SGCZ: variants seen among roughly 807,000 people sequenced by gnomAD.
The protein encoded by SGCZ is sarcoglycan zeta.
SGCZ carries 40 observed loss-of-function variants against 41.3 expected under a neutral mutation model. That is an observed-to-expected ratio of 0.97 (90% CI 0.75 to 1.26). The LOEUF is 1.26. SGCZ is among the 50% of genes most tolerant of loss of function. SGCZ has a pLI of 0.00. For synonymous variants in SGCZ, 206 were observed against 137.5 expected (o/e 1.50, Z -3.49); for missense variants, 552 against 369.8 (o/e 1.49, Z -4.04).
chr8:14,674,241 G>A (rs1023111241), intron 1 of SGCZ, among the ~76,000 whole-genome samples: 2 of 150,840 alleles, frequency 1.3e-5, no homozygotes, highest in African/African-American at 4.9e-5. Flanking sequence ...TCCTGATTTC[G>A]GTGTTTCCTA....
At chr8:14,939,415 A>G (rs61504408) in intron 1 of SGCZ, among the ~76,000 whole-genome samples, 30,272 of 152,000 alleles carry the variant, frequency 0.2, 4,079 homozygotes, top group African/African-American at 0.39. Flanking sequence ...TCCTAAATTA[A>G]TGCTTCCTAT....
At chr8:14,731,938 A>G (rs1285646347) in intron 1 of SGCZ, among the ~76,000 whole-genome samples, 1 of 152,168 alleles carries the variant, frequency 6.6e-6, no homozygotes, top group Non-Finnish European at 1.5e-5. Context: ...ATCTATCACA[A>G]GACTCTTCCA....
At chr8:14,799,358 T>G (rs1801239926) in intron 1 of SGCZ, among the ~76,000 whole-genome samples, 1 of 152,290 alleles carries the variant, frequency 6.6e-6, no homozygotes, top group South Asian at 2.1e-4. Flanking sequence ...AAATAAAGAT[T>G]CACTTTAAGA....
intron 5 of SGCZ, among the ~76,000 whole-genome samples, chr8:14,133,370 T>C (rs1455286303): frequency 1.3e-5 from 2 of 152,230 alleles, no homozygotes; most frequent in Non-Finnish European, 2.9e-5. Flanking sequence ...GCATTGTTTT[T>C]TGAGCAATTC....
chr8:14,545,667 T>A (rs1202877881), intron 2 of SGCZ, among the ~76,000 whole-genome samples: 1 of 152,166 alleles, frequency 6.6e-6, no homozygotes. Context: ...ATGGTTTTAA[T>A]TTTCTGGACT....
chr8:14,998,843 T>G lies in SGCZ; in HGVS notation c.39+238742A>C, dbSNP rs1055688788. On this transcript the variant is annotated intron_variant, in intron 1 of 7. Transcript: ENST00000382080. Reference sequence around the variant, plus strand: ...GAAAAGTACGCCAAAGAAAACCTATTATAAATGTCTCTATATCATCCTAGC... The same window carrying G: ...GAAAAGTACGCCAAAGAAAACCTATGATAAATGTCTCTATATCATCCTAGC... Among the ~76,000 whole-genome samples the G allele has an allele frequency of 2.0e-5, 3 of 152,324 alleles. No individual in the cohort carries two copies. The South Asian group carries it at 6.2e-4, about 32-fold the overall frequency.
chr8:14,518,983 C>A (rs543519737), intron 2 of SGCZ, among the ~76,000 whole-genome samples: 1 of 148,976 alleles, frequency 6.7e-6, no homozygotes, highest in African/African-American at 2.5e-5. Flanking sequence ...GCAGGAGAAT[C>A]GCTTGAACCC....
chr8:14,966,991 T>A (rs1205293796), intron 1 of SGCZ, among the ~76,000 whole-genome samples: 1 of 152,182 alleles, frequency 6.6e-6, no homozygotes, highest in Admixed American at 6.5e-5. Flanking sequence ...TATTTATTCA[T>A]TCCTTGTACA....
At chr8:15,014,034 G>T (rs975434837) in intron 1 of SGCZ, among the ~76,000 whole-genome samples, 2 of 152,160 alleles carry the variant, frequency 1.3e-5, no homozygotes, top group African/African-American at 2.4e-5. Flanking sequence ...AATCCACTCA[G>T]TTTATCAGGA....
intron 4 of SGCZ, among the ~76,000 whole-genome samples, chr8:14,182,566 G>A (rs1182889251): frequency 6.6e-6 from 1 of 152,040 alleles, no homozygotes; most frequent in Non-Finnish European, 1.5e-5. Flanking sequence ...TCTGCAGAAG[G>A]GAAGAGAATA....
At chr8:15,147,276 G>A (rs1021855886) in intron 1 of SGCZ, among the ~76,000 whole-genome samples, 5 of 151,866 alleles carry the variant, frequency 3.3e-5, no homozygotes, top group African/African-American at 9.7e-5. Flanking sequence ...AAAGGACATC[G>A]CTGTTTTGTT....
intron 7 of SGCZ, among the ~76,000 whole-genome samples, chr8:14,101,931 C>T (rs180788574): frequency 1.0e-3 from 153 of 151,746 alleles, no homozygotes; most frequent in Non-Finnish European, 1.7e-3. Flanking sequence ...CTCGCTCTGT[C>T]GCCCCAGGCT....
intron 1 of SGCZ, among the ~76,000 whole-genome samples, chr8:14,618,260 G>C (rs915782893): frequency 2.6e-5 from 4 of 152,166 alleles, no homozygotes; most frequent in Non-Finnish European, 5.9e-5. Context: ...AAGGTCTTTG[G>C]AGGAAAGAAA....
intron 1 of SGCZ, among the ~76,000 whole-genome samples, chr8:15,012,397 A>G (rs1258044794): frequency 6.6e-6 from 1 of 150,580 alleles, no homozygotes; most frequent in Non-Finnish European, 1.5e-5. Context: ...CAGGAGGTTC[A>G]TGCTGCAGTG....
At chr8:14,215,933 C>A (rs62492330) in intron 4 of SGCZ, among the ~76,000 whole-genome samples, 36,557 of 152,224 alleles carry the variant, frequency 0.24, 5,584 homozygotes, top group Non-Finnish European at 0.34. Flanking sequence ...GACACAGGTA[C>A]CCAGTGAAAG....
At chr8:14,494,574 T>A (rs12679497) in intron 2 of SGCZ, among the ~76,000 whole-genome samples, 70,823 of 151,994 alleles carry the variant, frequency 0.47, 17,228 homozygotes, top group East Asian at 0.66. Flanking sequence ...AGTTTTTCAA[T>A]GTTTAATCAT....
chr8:14,589,136 TA>T (rs1046944527), intron 1 of SGCZ, among the ~76,000 whole-genome samples: 31 of 152,076 alleles, frequency 2.0e-4, no homozygotes, highest in Admixed American at 6.6e-5. Context: ...TATACATATG[TA>T]ACAAACCTGC....
At chr8:14,795,079 T>C (rs774864448) in intron 1 of SGCZ, among the ~76,000 whole-genome samples, 1 of 152,160 alleles carries the variant, frequency 6.6e-6, no homozygotes, top group Non-Finnish European at 1.5e-5. Context: ...AAGAGTTCCC[T>C]AGATAAAGGA....
intron 1 of SGCZ, among the ~76,000 whole-genome samples, chr8:14,946,795 C>G (rs35891839): frequency 0.066 from 10,085 of 151,750 alleles, 533 homozygotes; most frequent in African/African-American, 0.14. Flanking sequence ...CCTGCCTCAG[C>G]CCCCCGAGTA....
Sources: gnomAD v4.1 joint callset for allele counts (sites outside exome capture counted in the v4.1 genomes callset) on GRCh38, gnomAD v4.1.1 for gene constraint, MANE v1.5 for transcripts, NCBI Gene and HGNC (gene_info 2026-07-23, HGNC 2026-07-21) for gene names.